The following CRB1 variants were observed in gnomAD, a reference collection of about 807,000 sequenced individuals.
The protein encoded by CRB1 is crumbs cell polarity complex component 1.
Under a neutral mutation model 120.0 loss-of-function variants are expected in CRB1, and 83 were observed. The ratio of observed to expected loss-of-function variants is 0.69; its 90% CI spans 0.58 to 0.83. The LOEUF is 0.83. CRB1 is among the 40% of genes least tolerant of loss of function. The pLI is 0.00. For synonymous variants in CRB1, 625 were observed against 612.5 expected, an observed-to-expected ratio of 1.02 and a Z score of -0.30; for missense variants, 1,699 against 1,687.6, an observed-to-expected ratio of 1.01 and a Z score of -0.12.
At chr1:197,283,065 A>C (rs1390608277) in intron 1 of CRB1, among the ~76,000 whole-genome samples, 1 of 151,764 alleles carries the variant, frequency 6.6e-6, no homozygotes, top group Non-Finnish European at 1.5e-5. Flanking sequence ...GAATCTCAAC[A>C]CTTAGTCAAA....
chr1:197,362,770 A>G (rs929382250), intron 5 of CRB1, among the ~76,000 whole-genome samples: 3 of 152,110 alleles, frequency 2.0e-5, no homozygotes, highest in African/African-American at 7.2e-5. Context: ...TAAATTTGAA[A>G]TGATTTTCTT....
At chr1:197,314,408 T>C (rs1272356998) in intron 1 of CRB1, among the ~76,000 whole-genome samples, 2 of 152,168 alleles carry the variant, frequency 1.3e-5, no homozygotes, top group East Asian at 1.9e-4. Flanking sequence ...AGTTTTCTCA[T>C]TGTTTACTCA....
chr1:197,477,497 T>G, intron 11 of CRB1, 167 bp from the exon 12 acceptor site: 2 of 717,778 alleles, frequency 2.8e-6, no homozygotes, highest in Non-Finnish European at 5.1e-6. Context: ...TTGTAAATGA[T>G]TTGAGAATAA....
chr1:197,214,105 T>C, the CRB1 span, among the ~76,000 whole-genome samples: 100 of 149,584 alleles, frequency 6.7e-4, no homozygotes, highest in Non-Finnish European at 1.3e-3. Flanking sequence ...GCGTGGTTTT[T>C]TTGTTTGTTT....
At chr1:197,405,296 T>G (rs1285403519) in intron 5 of CRB1, among the ~76,000 whole-genome samples, 2 of 152,162 alleles carry the variant, frequency 1.3e-5, no homozygotes, top group Non-Finnish European at 2.9e-5. Context: ...CGGGCTGGTC[T>G]CCAGCTCCTA....
chr1:197,242,837 G>C, the CRB1 span, among the ~76,000 whole-genome samples: 1 of 152,084 alleles, frequency 6.6e-6, no homozygotes, highest in Non-Finnish European at 1.5e-5. Context: ...ATTTATTACT[G>C]CCTCAATTTC....
intron 8 of CRB1, among the ~76,000 whole-genome samples, chr1:197,434,356 G>A (rs1390218822): frequency 6.6e-6 from 1 of 152,074 alleles, no homozygotes; most frequent in East Asian, 1.9e-4. Context: ...ATAAAAATTG[G>A]CATGCATTAG....
chr1:197,301,902 A>AATTTTGTG (rs1366715714), intron 1 of CRB1, among the ~76,000 whole-genome samples: 1 of 152,096 alleles, frequency 6.6e-6, no homozygotes, highest in Non-Finnish European at 1.5e-5. Flanking sequence ...AAAAAAAAAG[A>AATTTTGTG]ATTTTGTGAA....
chr1:197,390,408 T>C (rs1209203500), intron 5 of CRB1, among the ~76,000 whole-genome samples: 1 of 152,040 alleles, frequency 6.6e-6, no homozygotes, highest in Non-Finnish European at 1.5e-5. Context: ...GAAGGGTGCT[T>C]ATATTTGAAT....
chr1:197,435,928 A>G (rs899387924), intron 9 of CRB1, among the ~76,000 whole-genome samples: 2 of 152,198 alleles, frequency 1.3e-5, no homozygotes, highest in Non-Finnish European at 2.9e-5. Flanking sequence ...ATGCATTTAC[A>G]ATAAATGCAA....
intron 1 of CRB1, among the ~76,000 whole-genome samples, chr1:197,323,924 T>C (rs143920287): frequency 2.0e-5 from 3 of 152,302 alleles, no homozygotes; most frequent in Non-Finnish European, 4.4e-5. Flanking sequence ...CCTGATTTCA[T>C]CTGTGATGAT....
chr1:197,473,055 A>T (rs144170200), intron 11 of CRB1, among the ~76,000 whole-genome samples: 37 of 152,344 alleles, frequency 2.4e-4, no homozygotes, highest in African/African-American at 8.4e-4. Context: ...GTATATGAGC[A>T]GAGCTCTTAA....
At chr1:197,473,946 G>A (rs1484880663) in intron 11 of CRB1, among the ~76,000 whole-genome samples, 1 of 152,058 alleles carries the variant, frequency 6.6e-6, no homozygotes, top group East Asian at 1.9e-4. Context: ...TCACTCTAAA[G>A]CTTAATGACA....
intron 4 of CRB1, among the ~76,000 whole-genome samples, chr1:197,350,209 G>A (rs555261536): frequency 1.2e-4 from 18 of 152,294 alleles, no homozygotes; most frequent in Admixed American, 3.3e-4. Context: ...AGCAGAGGGC[G>A]GAGTGGATGG....
At chr1:197,409,843 C>T (rs761507544) in intron 5 of CRB1, among the ~76,000 whole-genome samples, 2 of 152,054 alleles carry the variant, frequency 1.3e-5, no homozygotes, top group Admixed American at 6.6e-5. Context: ...AGTGCAGTGG[C>T]GCAATCTCGG....
intron 7 of CRB1, chr1:197,428,844 T>C (rs977577373): frequency 3.2e-5 from 28 of 877,242 alleles, no homozygotes; most frequent in Middle Eastern, 5.6e-4. Flanking sequence ...CTAAATCATA[T>C]GTTAATAGTA....
chr1:197,271,685 C>G (rs1654918278), intron 1 of CRB1, among the ~76,000 whole-genome samples: 1 of 152,136 alleles, frequency 6.6e-6, no homozygotes, highest in Non-Finnish European at 1.5e-5. Context: ...ATCCATTATT[C>G]AGAGACTGTT....
At chr1:197,295,570 G>T (rs1479840591) in intron 1 of CRB1, among the ~76,000 whole-genome samples, 1 of 151,974 alleles carries the variant, frequency 6.6e-6, no homozygotes, top group African/African-American at 2.4e-5. Flanking sequence ...TCTCATCATG[G>T]TATATTTTGT....
chr1:197,251,084 G>A, the CRB1 span, among the ~76,000 whole-genome samples: 84 of 151,874 alleles, frequency 5.5e-4, 1 homozygote, highest in African/African-American at 2.0e-3. Flanking sequence ...ATCTTATTTG[G>A]AGAGATAATA....
Sources: allele counts gnomAD v4.1 joint callset (sites outside exome capture counted in the v4.1 genomes callset), GRCh38; gene constraint gnomAD v4.1.1; transcripts MANE v1.5; gene names NCBI Gene and HGNC (gene_info 2026-07-23, HGNC 2026-07-21).